The following FAM83E variants were observed in gnomAD, a reference collection of about 807,000 sequenced individuals.
The protein encoded by FAM83E is protein FAM83E.
FAM83E carries 29 observed loss-of-function variants against 34.3 expected under a neutral mutation model. The observed-to-expected ratio is 0.85, with a 90% confidence interval of 0.63 to 1.15. The LOEUF is 1.15. Ranked by LOEUF, FAM83E falls within the 50% of genes most tolerant of loss-of-function variation. The pLI is 0.00. For missense variants in FAM83E, 697 were observed against 685.0 expected, an observed-to-expected ratio of 1.02 and a Z score of -0.20; for synonymous variants, 312 against 311.6, an observed-to-expected ratio of 1.00 and a Z score of -0.01.
chr19:48,614,190 A>G lies in FAM83E; in HGVS notation c.-818T>C, dbSNP rs538157362. 5 of 984,014 alleles carry G rather than the reference A, an allele frequency of 5.1e-6. No individual in the cohort carries two copies. The highest frequency in any genetic ancestry group is 1.2e-4 in the East Asian group (1 of 8,686). 61.0% of individuals were successfully genotyped at this position (984,014 alleles called of 1,614,324 possible). On this transcript the variant is annotated 5_prime_UTR_variant, in exon 3 of 7. Coordinates refer to ENST00000263266, the MANE Select transcript of FAM83E (RefSeq NM_017708.4). ...ACCCTGCTCCCTGGACCCTCCTCAC[A>G]CTCCTTCCAGCTGCTGCAGTGGAGG...
rs181833568 is a variant in FAM83E at position 48,603,250 on chromosome 19, T to G, written c.1176+244A>C. ...CGGCTTCCCCCCACCTAGTCTGTCA[T>G]GCCAGGATTTGCACCCAGGGCTCTC... On this transcript the variant is annotated intron_variant, in intron 6 of 6. Transcript: ENST00000263266. 1.4e-3 allele frequency among the ~76,000 whole-genome samples: 218 copies of G among 152,254 alleles called. 1 individual carries two copies. The highest frequency in any genetic ancestry group is 2.5e-3 in the Non-Finnish European group (168 of 68,004).
intron 5 of FAM83E, 143 bp downstream of exon 5, chr19:48,609,733 T>C: frequency 1.1e-6 from 1 of 946,694 alleles, no homozygotes; most frequent in East Asian, 2.5e-5. Flanking sequence ...ACCAACCTCC[T>C]CCGCAGGGAA....
At chr19:48,611,153 T>TGTG in intron 3 of FAM83E, among the ~76,000 whole-genome samples, 1 of 151,446 alleles carries the variant, frequency 6.6e-6, no homozygotes, top group Admixed American at 6.6e-5. Flanking sequence ...GTGTTTTTGT[T>TGTG]GTTGTTGTTG....
chr19:48,614,893 C>T (rs908169807), intron 1 of FAM83E, 44 bp downstream of exon 1: 2 of 703,904 alleles, frequency 2.8e-6, no homozygotes, highest in South Asian at 6.4e-5. Flanking sequence ...CCCCCACAGG[C>T]CCCTGGAGGA....
intron 3 of FAM83E, among the ~76,000 whole-genome samples, chr19:48,612,668 C>T (rs1332327145): frequency 6.6e-6 from 1 of 151,860 alleles, no homozygotes; most frequent in African/African-American, 2.4e-5. Flanking sequence ...TCCCAAAGTG[C>T]TGGAATTACA....
chr19:48,603,846 T>A lies in FAM83E; in HGVS notation c.824A>T (p.Asp275Val). ...LVTLLTGEIVDAFSLEFRTLY... is the reference protein window; with the variant it reads ...LVTLLTGEIVVAFSLEFRTLY... ...CGTCCGGAACTCAAGGCTGAAGGCG[T>A]CAACAATTTCACCAGTCAGCAGGGT... Residue 275 changes from aspartate to valine, a missense_variant, in exon 6 of 7, where the codon GAC becomes GTC. By Grantham distance (152) the Asp-to-Val change is radical. Transcript: ENST00000263266. 1 of 1,608,714 alleles carries A rather than the reference T, an allele frequency of 6.2e-7. No individual in the cohort carries two copies. The highest frequency in any genetic ancestry group is 8.5e-7 in the Non-Finnish European group (1 of 1,177,682).
chr19:48,606,391 C>G (rs1197027530), intron 5 of FAM83E, among the ~76,000 whole-genome samples: 2 of 152,184 alleles, frequency 1.3e-5, no homozygotes, highest in Admixed American at 6.5e-5. Context: ...CTCTTCTTTC[C>G]CAGCCTCTTT....
At position 48,603,690 on chromosome 19, in the gene FAM83E, G is replaced by A. The variant is rs1373439023; in HGVS notation, c.980C>T (p.Pro327Leu). Reference sequence around the variant, plus strand: ...GCGGTGGGCCAGCGGGCCGTCAGGCGGCGGAGGCGACGCGGGGGCCACGGA... The same window carrying A: ...GCGGTGGGCCAGCGGGCCGTCAGGCAGCGGAGGCGACGCGGGGGCCACGGA... ...RRSVAPASPP[P>L]PDGPLAHRLA... is the part of the protein sequence containing the mutation. Residue 327 changes from proline (P) to leucine (L), a missense_variant, in exon 6 of 7, where the codon CCG becomes CTG. Transcript: ENST00000263266. The A allele has an allele frequency of 8.3e-6, 11 of 1,322,532 alleles. No homozygotes were observed. The highest frequency in any genetic ancestry group is 9.7e-6 in the Non-Finnish European group (10 of 1,034,038). 81.9% of individuals were successfully genotyped at this position (1,322,532 alleles called of 1,614,324 possible).
intron 4 of FAM83E, among the ~76,000 whole-genome samples, 195 bp from the exon 5 acceptor site, chr19:48,610,195 T>TCGAG (rs2147646972): frequency 6.6e-6 from 1 of 151,812 alleles, no homozygotes; most frequent in African/African-American, 2.4e-5. Context: ...GGTCAGGAGG[T>TCGAG]CGAGACCAGC....
chr19:48,601,343 G>A lies in FAM83E; in HGVS notation c.1203C>T (p.Asp401=). 1 of 1,564,424 alleles carries A rather than the reference G, an allele frequency of 6.4e-7. No individual in the cohort carries two copies. The highest frequency in any genetic ancestry group is 8.7e-7 in the Non-Finnish European group (1 of 1,153,876). ...NELKKSWGSK[D]TPAKALMRQR... ...GCCTCATCAGAGCCTTGGCTGGAGTGTCCTTGGAGCCCCAGGATTTCTTGA... is the reference window on the plus strand; with the variant it reads ...GCCTCATCAGAGCCTTGGCTGGAGTATCCTTGGAGCCCCAGGATTTCTTGA... The change falls in exon 7 of 7, where the codon GAC becomes GAT. Residue 401 remains aspartate (D), a synonymous_variant. Coordinates refer to ENST00000263266, the MANE Select transcript of FAM83E (RefSeq NM_017708.4).
Position 48,603,809 on chromosome 19 carries a change from G to T in FAM83E, c.861C>A (p.Ala287=). ...GGGGCGCAGGTGGGAGCGGGCAGGAGGCCGCGTACAGCGTCCGGAACTCAA... is the reference window on the plus strand; with the variant it reads ...GGGGCGCAGGTGGGAGCGGGCAGGATGCCGCGTACAGCGTCCGGAACTCAA... ...FSLEFRTLYA[A]SCPLPPAPPQ... is the part of the protein sequence containing the mutation. The change falls in exon 6 of 7, where the codon GCC becomes GCA. Residue 287 remains alanine (A), a synonymous_variant. Coordinates refer to ENST00000263266, the MANE Select transcript of FAM83E (RefSeq NM_017708.4). 6.2e-7 allele frequency: 1 copy of T among 1,603,254 alleles called. No individual in the cohort carries two copies. The highest frequency in any genetic ancestry group is 8.5e-7 in the Non-Finnish European group (1 of 1,175,580).
chr19:48,614,828 T>C lies in FAM83E; in HGVS notation c.-1376A>G. ...GCTTCCCGGCTTCTGGCCTCACTCA[T>C]CAGGCCTCGACCTGGAATCCAGGGA... On this transcript the variant is annotated 5_prime_UTR_variant, in exon 2 of 7. The change abolishes an upstream ATG in the 5' untranslated region. Transcript: ENST00000263266. 1.0e-6 allele frequency: 1 copy of C among 982,466 alleles called. No individual in the cohort carries two copies. Among genetic ancestry groups the C allele is most frequent in the Non-Finnish European group, 1.2e-6 (1 of 827,226 alleles). 60.9% of individuals were successfully genotyped at this position (982,466 alleles called of 1,614,324 possible).
In FAM83E at chr19:48,603,719, G is replaced by A; in HGVS notation, c.951C>T (p.Arg317=). ...RGRSPHRVSR[R]RSVAPASPPP... ...GAGGCGACGCGGGGGCCACGGAGCG[G>A]CGGCGGGACACGCGGTGCGGGCTGC... Residue 317 remains arginine (R), a synonymous_variant, in exon 6 of 7, where the codon CGC becomes CGT. Coordinates refer to ENST00000263266, the MANE Select transcript of FAM83E (RefSeq NM_017708.4). 1 of 1,440,244 alleles carries A rather than the reference G, an allele frequency of 6.9e-7. No individual in the cohort carries two copies. Among genetic ancestry groups the A allele is most frequent in the Non-Finnish European group, 9.1e-7 (1 of 1,102,526 alleles). The allele number at this position is 1,440,244 out of a possible 1,614,324, so 89.2% of individuals were successfully genotyped here.
intron 5 of FAM83E, 22 bp downstream of exon 5, chr19:48,609,854 G>T: frequency 6.2e-7 from 1 of 1,610,300 alleles, no homozygotes. Flanking sequence ...CCGGGAGGTG[G>T]GGGGCGGGGC....
intron 3 of FAM83E, among the ~76,000 whole-genome samples, chr19:48,612,444 G>A (rs1174449562): frequency 1.3e-5 from 2 of 149,364 alleles, no homozygotes; most frequent in Non-Finnish European, 3.0e-5. Flanking sequence ...TCGCTCTGTC[G>A]CCCAGGCTGA....
In FAM83E at chr19:48,614,786, G is replaced by C. The variant is rs889637255; in HGVS notation, c.-1334C>G. ...CGAGAACGTAGGCTGTGGCTCCCCG[G>C]CTTCTACTTCTGCGGTGCTTCCCGG... On this transcript the variant is annotated 5_prime_UTR_variant, in exon 2 of 7. Coordinates refer to ENST00000263266, the MANE Select transcript of FAM83E (RefSeq NM_017708.4). 4.1e-6 allele frequency: 4 copies of C among 983,664 alleles called. No individual in the cohort carries two copies. In the African/African-American group the frequency reaches 7.0e-5, roughly 17 times the overall value. The allele number at this position is 983,664 out of a possible 1,614,324, so 60.9% of individuals were successfully genotyped here. A position where few individuals can be genotyped will look rare whatever the true frequency, so the allele number is the denominator to read the frequency against.
At chr19:48,609,753 G>T in intron 5 of FAM83E, 123 bp downstream of exon 5, 1 of 1,100,600 alleles carries the variant, frequency 9.1e-7, no homozygotes, top group Non-Finnish European at 1.3e-6. Context: ...AGAGTGTTTT[G>T]CCCCCATTAC....
intron 5 of FAM83E, among the ~76,000 whole-genome samples, chr19:48,605,525 A>T (rs1460096140): frequency 1.3e-5 from 2 of 151,728 alleles, no homozygotes; most frequent in Non-Finnish European, 2.9e-5. Context: ...CAGTGAGCCA[A>T]GATCGCGCCA....
chr19:48,607,755 T>TTTTTC (rs1973962947), intron 5 of FAM83E: 1 of 170,140 alleles, frequency 5.9e-6, no homozygotes, highest in South Asian at 1.6e-4. Context: ...CCTTTTTTTT[T>TTTTTC]TTTTCTTTTT....
Sources: gnomAD v4.1 joint callset for allele counts (sites outside exome capture counted in the v4.1 genomes callset) on GRCh38, gnomAD v4.1.1 for gene constraint, MANE v1.5 for transcripts, NCBI Gene and HGNC (gene_info 2026-07-23, HGNC 2026-07-21) for gene names.